Variants in VASH1 observed in about 807,000 individuals in gnomAD.
The protein encoded by VASH1 is vasohibin 1, also known as tubulinyl-Tyr carboxypeptidase 1.
A neutral mutation model predicts 35.0 loss-of-function variants in VASH1; 16 were observed. The observed-to-expected ratio is 0.46, with a 90% CI of 0.31 to 0.70. The LOEUF is 0.70. Ranked by LOEUF, VASH1 falls within the 30% of genes least tolerant of loss-of-function variation. The probability of loss-of-function intolerance (pLI) is 0.05; values close to 1 mark genes in which losing one functional copy is unlikely to be tolerated. For missense variants in VASH1, 505 were observed against 510.7 expected, an observed-to-expected ratio of 0.99 and a Z score of 0.11; for synonymous variants, 214 against 200.9, an observed-to-expected ratio of 1.07 and a Z score of -0.55.
chr14:76,769,715 T>G (rs1595271002), intron 1 of VASH1, among the ~76,000 whole-genome samples: 2 of 152,248 alleles, frequency 1.3e-5, no homozygotes, highest in East Asian at 1.9e-4. Context: ...AGCATAAAAT[T>G]GGAACATCAG....
At chr14:76,771,883 C>G (rs1399441237) in intron 3 of VASH1, among the ~76,000 whole-genome samples, 2 of 152,226 alleles carry the variant, frequency 1.3e-5, no homozygotes, top group African/African-American at 2.4e-5. Flanking sequence ...GAGTGAATGC[C>G]ACAGCTGGGT....
At position 76,762,002 on chromosome 14, in the gene VASH1, C is replaced by T. The variant is rs1893516252; in HGVS notation, c.-820C>T. ...TGCCAGCCGTCCTCCCGCTGAGACG[C>T]GCCCGAGTGGGGACCCGCTGGGCCT... On this transcript the variant is annotated 5_prime_UTR_variant, in exon 1 of 7. Coordinates refer to ENST00000167106, the MANE Select transcript of VASH1 (RefSeq NM_014909.5). Among the ~76,000 whole-genome samples the T allele has an allele frequency of 6.6e-6, 1 of 152,098 alleles. No individual in the cohort carries two copies. The highest frequency in any genetic ancestry group is 2.4e-5 in the African/African-American group (1 of 41,442).
intron 4 of VASH1, 98 bp downstream of exon 4, chr14:76,773,309 GCT>G (rs773163315): frequency 6.4e-6 from 8 of 1,251,114 alleles, no homozygotes; most frequent in East Asian, 4.8e-5. Flanking sequence ...GGGCTCCAGG[GCT>G]CTCCCATATG....
rs1308741747 is a variant in VASH1 at position 76,761,495 on chromosome 14, G to C, written c.-1327G>C. Reference sequence around the variant, plus strand: ...GGGCCGTAGTCGAGCCTGGTGGGCGGCTGGCTGGCAGGGGACGTGGTCGGC... The same window carrying C: ...GGGCCGTAGTCGAGCCTGGTGGGCGCCTGGCTGGCAGGGGACGTGGTCGGC... On this transcript the variant is annotated 5_prime_UTR_variant, in exon 1 of 7. Transcript: ENST00000167106. 1 of 152,842 alleles carries C rather than the reference G, an allele frequency of 6.5e-6. No homozygotes were observed. 9.5% of individuals were successfully genotyped at this position (152,842 alleles called of 1,614,324 possible).
At position 76,762,923 on chromosome 14, in the gene VASH1, C is replaced by T. The variant is rs774217074; in HGVS notation, c.102C>T (p.Ser34=). ...APSGVRRLET[S]EGTSAQRDEE... Reference sequence around the variant, plus strand: ...CTGGGGTCAGGCGTTTGGAGACCAGCGAAGGAACCTCAGCCCAGAGAGATG... The same window carrying T: ...CTGGGGTCAGGCGTTTGGAGACCAGTGAAGGAACCTCAGCCCAGAGAGATG... Residue 34 remains serine, a synonymous_variant, in exon 1 of 7, where the codon AGC becomes AGT. Coordinates refer to ENST00000167106, the MANE Select transcript of VASH1 (RefSeq NM_014909.5). 5 of 1,574,098 alleles carry T rather than the reference C, an allele frequency of 3.2e-6. No individual in the cohort carries two copies. The South Asian group carries it at 3.6e-5, about 11-fold the overall frequency.
chr14:76,776,322 C>T, intron 5 of VASH1, 49 bp downstream of exon 5: 3 of 1,483,534 alleles, frequency 2.0e-6, no homozygotes, highest in Non-Finnish European at 2.7e-6. Flanking sequence ...CCCTCCCCCG[C>T]CCCAGCAGAG....
At chr14:76,777,649 C>T (rs532064492) in intron 5 of VASH1, among the ~76,000 whole-genome samples, 1 of 152,334 alleles carries the variant, frequency 6.6e-6, no homozygotes, top group South Asian at 2.1e-4. Context: ...GGGCTGCTCC[C>T]ACAACTGGCA....
rs1246827722 is a variant in VASH1, at chr14:76,782,176, C to T, written c.*3158C>T. The T allele has an allele frequency of 6.6e-6, 1 of 152,370 alleles. No homozygotes were observed. Among genetic ancestry groups the T allele is most frequent in the Non-Finnish European group, 1.5e-5 (1 of 68,172 alleles). 9.4% of individuals were successfully genotyped at this position (152,370 alleles called of 1,614,324 possible). ...AGCCTTCCTGTCATAACTGCCAGTC[C>T]TCTTCCTCCAAGGCCTCTGCATATT... On this transcript the variant is annotated 3_prime_UTR_variant, in exon 7 of 7. Transcript: ENST00000167106.
chr14:76,769,575 C>A, intron 1 of VASH1: 3 of 1,007,086 alleles, frequency 3.0e-6, no homozygotes, highest in Non-Finnish European at 2.6e-6. Context: ...TTTGATCCGG[C>A]GCTTGAACCA....
rs929126721 is a variant in VASH1, at chr14:76,781,537, C to T, written c.*2519C>T. ...GAGGGGAGTAGATATGAGAGGGAGC[C>T]GCTCCTGGTTCTGGAGTCTTAGGAG... On this transcript the variant is annotated 3_prime_UTR_variant, in exon 7 of 7. Coordinates refer to ENST00000167106, the MANE Select transcript of VASH1 (RefSeq NM_014909.5). The T allele has an allele frequency of 6.6e-6, 1 of 152,136 alleles. No individual in the cohort carries two copies. The highest frequency in any genetic ancestry group is 1.5e-5 in the Non-Finnish European group (1 of 68,078). 9.4% of individuals were successfully genotyped at this position (152,136 alleles called of 1,614,324 possible). A position where few individuals can be genotyped will look rare whatever the true frequency, so the allele number is the denominator to read the frequency against.
intron 1 of VASH1, among the ~76,000 whole-genome samples, chr14:76,767,451 A>G (rs769911591): frequency 2.0e-5 from 3 of 152,006 alleles, no homozygotes; most frequent in Non-Finnish European, 4.4e-5. Context: ...AGACCCCTCC[A>G]GTGAGAATGT....
In VASH1 at chr14:76,771,695, C is replaced by T. The variant is rs552233417; in HGVS notation, c.455+449C>T. 5.3e-5 allele frequency among the ~76,000 whole-genome samples: 8 copies of T among 152,334 alleles called. No homozygotes were observed. The East Asian group carries it at 7.7e-4, about 15-fold the overall frequency. On this transcript the variant is annotated intron_variant, in intron 3 of 6. Transcript: ENST00000167106. ...CATGGTCACCCCATTTGCCTTACTC[C>T]GTGGACTCTTTTCTGGGCATTGAGT...
At chr14:76,778,133 G>A (rs1893997630) in intron 6 of VASH1, 62 bp downstream of exon 6, 7 of 1,216,692 alleles carry the variant, frequency 5.8e-6, no homozygotes, top group Non-Finnish European at 7.6e-6. Context: ...CTCTCATCGT[G>A]TGGGTCCCTT....
chr14:76,771,188 A>T lies in VASH1; in HGVS notation c.399-2A>T. 1 of 1,593,822 alleles carries T rather than the reference A, an allele frequency of 6.3e-7. No individual in the cohort carries two copies. Among genetic ancestry groups the T allele is most frequent in the African/African-American group, 1.3e-5 (1 of 74,152 alleles). ...TAGGAAGCCCTTAACCCGTGCCCAC[A>T]GGTACAATCACACAGGGACACAGTT... On this transcript the variant is annotated splice_acceptor_variant, in intron 2 of 6. Transcript: ENST00000167106. LOFTEE classifies it high-confidence loss of function.
At chr14:76,778,187 A>G (rs1167322325) in intron 6 of VASH1, 116 bp downstream of exon 6, 5 of 755,198 alleles carry the variant, frequency 6.6e-6, no homozygotes, top group Non-Finnish European at 9.5e-6. Flanking sequence ...TTTCGCTCCC[A>G]CCCAAGGGAG....
At chr14:76,766,561 C>T (rs2140174345) in intron 1 of VASH1, among the ~76,000 whole-genome samples, 1 of 152,350 alleles carries the variant, frequency 6.6e-6, no homozygotes, top group African/African-American at 2.4e-5. Context: ...CCACCTCAGC[C>T]TCCAGAGTAG....
chr14:76,769,956 T>A lies in VASH1; in HGVS notation c.310-7T>A. 6.2e-7 allele frequency: 1 copy of A among 1,613,700 alleles called. No homozygotes were observed. On this transcript the variant is annotated splice_polypyrimidine_tract_variant and splice_region_variant and intron_variant, in intron 1 of 6. Coordinates refer to ENST00000167106, the MANE Select transcript of VASH1 (RefSeq NM_014909.5). ...TCTTGTGACCGGAGCTCTTTCTCTG[T>A]CCCCAGATCCCCATACCGAGTGTGC...
At chr14:76,766,353 A>G (rs1442721518) in intron 1 of VASH1, among the ~76,000 whole-genome samples, 3 of 152,210 alleles carry the variant, frequency 2.0e-5, no homozygotes, top group Non-Finnish European at 4.4e-5. Flanking sequence ...AAGGTCTTTT[A>G]TGGTCTCTTA....
At position 76,761,712 on chromosome 14, in the gene VASH1, C is replaced by T. The variant is rs1893509655; in HGVS notation, c.-1110C>T. Among the ~76,000 whole-genome samples, 1 of 151,906 alleles carries T rather than the reference C, an allele frequency of 6.6e-6. No individual in the cohort carries two copies. The highest frequency in any genetic ancestry group is 2.4e-5 in the African/African-American group (1 of 41,422). ...ATCCGCCGGCCGAGGCTGCGCGAGC[C>T]TCCGGGCTTGCGGTCCCCGCCCCGC... On this transcript the variant is annotated 5_prime_UTR_variant, in exon 1 of 7. Coordinates refer to ENST00000167106, the MANE Select transcript of VASH1 (RefSeq NM_014909.5).
Sources: gnomAD v4.1 joint callset for allele counts (sites outside exome capture counted in the v4.1 genomes callset) on GRCh38, gnomAD v4.1.1 for gene constraint, MANE v1.5 for transcripts, NCBI Gene and HGNC (gene_info 2026-07-23, HGNC 2026-07-21) for gene names.